Variants in TBX18 observed in about 807,000 individuals in gnomAD.
The protein encoded by TBX18 is T-box transcription factor 18, also known as T-box transcription factor TBX18.
A neutral mutation model predicts 55.0 loss-of-function variants in TBX18; 21 were observed. The ratio of observed to expected loss-of-function variants is 0.38; its 90% CI spans 0.27 to 0.55. TBX18 has a LOEUF of 0.55. Ranked by LOEUF, TBX18 falls within the 20% of genes least tolerant of loss-of-function variation. The pLI, the probability that TBX18 is intolerant of heterozygous loss-of-function variation, is 0.73. For synonymous variants in TBX18, 342 were observed against 326.1 expected, an observed-to-expected ratio of 1.05 and a Z score of -0.53; for missense variants, 840 against 799.6, an observed-to-expected ratio of 1.05 and a Z score of -0.61.
chr6:84,763,030 G>T, intron 1 of TBX18: 1 of 542,158 alleles, frequency 1.8e-6, no homozygotes. Flanking sequence ...CTGGGCCTCC[G>T]CAGGGCCAAG....
chr6:84,758,461 T>C (rs897335620), intron 3 of TBX18, among the ~76,000 whole-genome samples: 3 of 151,950 alleles, frequency 2.0e-5, no homozygotes, highest in East Asian at 3.9e-4. Context: ...TTAAGTGGTA[T>C]GATGTAATTT....
At chr6:84,741,362 G>A (rs540786648) in intron 6 of TBX18, 2 of 152,206 alleles carry the variant, frequency 1.3e-5, no homozygotes, top group Non-Finnish European at 2.9e-5. Flanking sequence ...TGTTTTTCCT[G>A]AAGTATTTAA....
At position 84,737,242 on chromosome 6, in the gene TBX18, A is replaced by T; in HGVS notation, c.1267T>A (p.Ser423Thr). The T allele has an allele frequency of 1.9e-6, 3 of 1,608,994 alleles. No individual in the cohort carries two copies. Among genetic ancestry groups the T allele is most frequent in the Non-Finnish European group, 2.5e-6 (3 of 1,177,200 alleles). ...APADYSACAR[S>T]GLTLNRYSTS... ...CTGTATCGGTTGAGGGTGAGGCCTG[A>T]GCGGGCACAGGCAGAATAGTCAGCA... Residue 423 changes from serine (S) to threonine (T), a missense_variant, in exon 8 of 8, where the codon TCA becomes ACA. Ser to Thr is a moderately conservative substitution (Grantham distance 58, BLOSUM62 1). Transcript: ENST00000369663.
chr6:84,757,866 C>T (rs1046744420), intron 3 of TBX18, among the ~76,000 whole-genome samples: 1 of 151,832 alleles, frequency 6.6e-6, no homozygotes, highest in Non-Finnish European at 1.5e-5. Flanking sequence ...ATTTTCCTTC[C>T]ATTTGTGTGT....
rs1773939513 is a variant in TBX18, at chr6:84,736,303, T to C, written c.*382A>G. Reference sequence around the variant, plus strand: ...TCAATACATCAAGTATGAAACCGTTTAGAGCATTTTTCTGATAAATTAAGT... The same window carrying C: ...TCAATACATCAAGTATGAAACCGTTCAGAGCATTTTTCTGATAAATTAAGT... On this transcript the variant is annotated 3_prime_UTR_variant, in exon 8 of 8. Coordinates refer to ENST00000369663, the MANE Select transcript of TBX18 (RefSeq NM_001080508.3). 1 of 155,536 alleles carries C rather than the reference T, an allele frequency of 6.4e-6. No individual in the cohort carries two copies. 9.6% of individuals were successfully genotyped at this position (155,536 alleles called of 1,614,324 possible). A position where few individuals can be genotyped will look rare whatever the true frequency, so the allele number is the denominator to read the frequency against.
chr6:84,756,023 G>T (rs1767477419), intron 4 of TBX18, among the ~76,000 whole-genome samples: 1 of 152,116 alleles, frequency 6.6e-6, no homozygotes, highest in African/African-American at 2.4e-5. Flanking sequence ...TAAAAATGCT[G>T]GCTTTGAACA....
intron 3 of TBX18, among the ~76,000 whole-genome samples, chr6:84,758,356 C>T (rs1259460339): frequency 3.4e-5 from 5 of 148,404 alleles, no homozygotes; most frequent in Non-Finnish European, 7.4e-5. Flanking sequence ...TCCAGTGAGC[C>T]GAGATCACGC....
chr6:84,744,425 G>GCTTAT, intron 5 of TBX18, 100 bp from the exon 6 acceptor site: 1 of 961,842 alleles, frequency 1.0e-6, no homozygotes, highest in Non-Finnish European at 1.6e-6. Flanking sequence ...ACTGTTAGAG[G>GCTTAT]ACTCTATTGT....
intron 1 of TBX18, among the ~76,000 whole-genome samples, chr6:84,763,614 A>C (rs1442031150): frequency 2.0e-5 from 3 of 152,116 alleles, no homozygotes; most frequent in Non-Finnish European, 4.4e-5. Flanking sequence ...TGCAGGAAGC[A>C]CAGAGCTGCA....
In TBX18 at chr6:84,734,882, T is replaced by G. The variant is rs924706343; in HGVS notation, c.*1803A>C. On this transcript the variant is annotated 3_prime_UTR_variant, in exon 8 of 8. Transcript: ENST00000369663. ...AAACATCTTACATAGATCCACCTAC[T>G]GCAAATATTTCATGTCCCTTCATGC... 1.3e-5 allele frequency: 2 copies of G among 152,184 alleles called. No individual in the cohort carries two copies. The highest frequency in any genetic ancestry group is 2.4e-5 in the African/African-American group (1 of 41,452). 9.4% of individuals were successfully genotyped at this position (152,184 alleles called of 1,614,324 possible). A position where few individuals can be genotyped will look rare whatever the true frequency, so the allele number is the denominator to read the frequency against.
At chr6:84,762,898 G>A in intron 1 of TBX18, 150 bp from the exon 2 acceptor site, 1 of 713,270 alleles carries the variant, frequency 1.4e-6, no homozygotes, top group Non-Finnish European at 2.4e-6. Flanking sequence ...TAAAGAACAA[G>A]CCAGTCGATA....
chr6:84,762,513 G>C (rs149173402), intron 2 of TBX18, 31 bp downstream of exon 2: 10 of 1,611,930 alleles, frequency 6.2e-6, no homozygotes, highest in Non-Finnish European at 8.5e-6. Context: ...TCTGGGGTAG[G>C]GAGGGGCGTC....
intron 6 of TBX18, among the ~76,000 whole-genome samples, chr6:84,743,929 A>T (rs1767111657): frequency 6.6e-6 from 1 of 152,188 alleles, no homozygotes; most frequent in Admixed American, 6.5e-5. Flanking sequence ...GAAATTCTAA[A>T]CCAATAGTAG....
At chr6:84,754,951 C>G (rs1436647585) in intron 4 of TBX18, among the ~76,000 whole-genome samples, 3 of 152,144 alleles carry the variant, frequency 2.0e-5, no homozygotes, top group Non-Finnish European at 4.4e-5. Context: ...TCGGACTTGT[C>G]AGGACCCAAA....
chr6:84,756,565 G>T, intron 4 of TBX18, 133 bp downstream of exon 4: 2 of 834,916 alleles, frequency 2.4e-6, no homozygotes, highest in Non-Finnish European at 3.6e-6. Flanking sequence ...ACTTGATTCT[G>T]CAAAGACAGT....
rs778588294 is a variant in TBX18, at chr6:84,737,428, TG to T, written c.1100-20del. ...GCATTGCCTACAAAAGAAGTTGAAA[TG>T]TAAAGAATGACTCCACAGTCATCCT... On this transcript the variant is annotated intron_variant, in intron 7 of 7. Coordinates refer to ENST00000369663, the MANE Select transcript of TBX18 (RefSeq NM_001080508.3). 6.0e-6 allele frequency: 9 copies of T among 1,504,750 alleles called. No individual in the cohort carries two copies. Among genetic ancestry groups the T allele is most frequent in the Middle Eastern group, 2.2e-4 (1 of 4,528 alleles). The allele number at this position is 1,504,750 out of a possible 1,614,324, so 93.2% of individuals were successfully genotyped here.
intron 6 of TBX18, chr6:84,741,352 TG>T (rs1445046181): frequency 6.6e-6 from 1 of 152,232 alleles, no homozygotes; most frequent in African/African-American, 2.4e-5. Context: ...AAAATGGTTA[TG>T]TTTTTCCTGA....
At chr6:84,739,442 C>T (rs1445800813) in intron 6 of TBX18, among the ~76,000 whole-genome samples, 1 of 152,088 alleles carries the variant, frequency 6.6e-6, no homozygotes, top group African/African-American at 2.4e-5. Flanking sequence ...GACTTCCCCT[C>T]TGTATATCAA....
chr6:84,738,141 GA>G (rs1307901740), intron 7 of TBX18, among the ~76,000 whole-genome samples: 2 of 152,108 alleles, frequency 1.3e-5, no homozygotes, highest in African/African-American at 4.8e-5. Flanking sequence ...CAATTCTGCT[GA>G]AGAAAGAAAA....
Sources: allele counts gnomAD v4.1 joint callset (sites outside exome capture counted in the v4.1 genomes callset), GRCh38; gene constraint gnomAD v4.1.1; transcripts MANE v1.5; gene names NCBI Gene and HGNC (gene_info 2026-07-23, HGNC 2026-07-21).